CCDC38: variants seen among roughly 807,000 people sequenced by gnomAD.
CCDC38 encodes the protein coiled-coil domain-containing protein 38.
In CCDC38, 69 loss-of-function variants were observed where a neutral mutation model predicts 72.8. The ratio of observed to expected loss-of-function variants is 0.95; its 90% CI spans 0.78 to 1.16. CCDC38 has a LOEUF of 1.16. Among genes scored for constraint, CCDC38 ranks in the 50% most tolerant of loss-of-function variants. The pLI is 0.00. For missense variants in CCDC38, 626 were observed against 638.9 expected, an observed-to-expected ratio of 0.98 and a Z score of 0.22; for synonymous variants, 201 against 213.2, an observed-to-expected ratio of 0.94 and a Z score of 0.50.
intron 4 of CCDC38, among the ~76,000 whole-genome samples, chr12:95,915,154 T>C (rs2080131802): frequency 6.6e-6 from 1 of 152,238 alleles, no homozygotes; most frequent in African/African-American, 2.4e-5. Context: ...GATAGAATTT[T>C]ATTCTTCAAC....
intron 5 of CCDC38, among the ~76,000 whole-genome samples, chr12:95,904,503 AAG>A (rs772178403): frequency 9.9e-5 from 15 of 152,256 alleles, no homozygotes; most frequent in Non-Finnish European, 1.5e-4. Context: ...CATCCAAAGG[AAG>A]AGACCCATAA....
chr12:95,927,667 C>T (rs10161044), intron 2 of CCDC38, among the ~76,000 whole-genome samples: 89,792 of 151,988 alleles, frequency 0.59, 28,171 homozygotes, highest in East Asian at 0.92. Flanking sequence ...GATTTTGCAG[C>T]GGCTGGTATT....
chr12:95,906,607 A>C (rs1299304802), intron 4 of CCDC38, among the ~76,000 whole-genome samples, 156 bp from the exon 5 acceptor site: 6 of 152,158 alleles, frequency 3.9e-5, no homozygotes, highest in Admixed American at 2.6e-4. Context: ...CACTCAAACT[A>C]ATTTAGTAAT....
intron 12 of CCDC38, among the ~76,000 whole-genome samples, chr12:95,878,822 G>A (rs76613750): frequency 0.045 from 6,785 of 152,232 alleles, 215 homozygotes; most frequent in Non-Finnish European, 0.065. Flanking sequence ...GAGGTGGGTG[G>A]AGGGCCATTA....
chr12:95,907,639 C>T lies in CCDC38; in HGVS notation c.305-1188G>A, dbSNP rs184652013. On this transcript the variant is annotated intron_variant, in intron 4 of 15. Coordinates refer to ENST00000344280, the MANE Select transcript of CCDC38 (RefSeq NM_182496.3). ...GCCGGGCGGAGACGCTCCTCACTTC[C>T]CAGACGGGGTGGCTGCCGGGCAGAG... is the stretch of plus-strand genomic sequence containing the variant. Among the ~76,000 whole-genome samples the T allele has an allele frequency of 2.0e-3, 212 of 104,328 alleles. 1 individual carries two copies. Among genetic ancestry groups the T allele is most frequent in the Non-Finnish European group, 2.9e-3 (132 of 45,828 alleles). The allele number at this position is 104,328 out of a possible 152,430, so 68.4% of individuals were successfully genotyped here.
chr12:95,890,974 G>T, intron 8 of CCDC38, 44 bp from the exon 9 acceptor site: 1 of 1,125,916 alleles, frequency 8.9e-7, no homozygotes, highest in South Asian at 1.3e-5. Context: ...GAAAGATGGG[G>T]GGAAAAAAAC....
intron 15 of CCDC38, among the ~76,000 whole-genome samples, chr12:95,867,471 C>T (rs1000181774): frequency 2.0e-5 from 3 of 152,118 alleles, no homozygotes; most frequent in Admixed American, 2.0e-4. Flanking sequence ...GTATATGGTT[C>T]AAATGTGGTC....
At chr12:95,943,224 A>G, upstream of CCDC38, 1 of 637,694 alleles carries the variant, frequency 1.6e-6, no homozygotes, top group East Asian at 3.5e-5. Context: ...TGCAATGATT[A>G]CCGCCCCCGT....
intron 10 of CCDC38, among the ~76,000 whole-genome samples, chr12:95,886,305 C>T (rs1228657233): frequency 6.6e-6 from 1 of 152,084 alleles, no homozygotes; most frequent in East Asian, 1.9e-4. Flanking sequence ...ACCCCTTATA[C>T]AAAAATTAAC....
At chr12:95,918,720 C>T (rs115743497) in intron 3 of CCDC38, among the ~76,000 whole-genome samples, 156 bp downstream of exon 3, 3 of 152,250 alleles carry the variant, frequency 2.0e-5, no homozygotes, top group African/African-American at 4.8e-5. Flanking sequence ...GTTTTTCTGT[C>T]GTTTGTGTTC....
intron 4 of CCDC38, among the ~76,000 whole-genome samples, chr12:95,913,967 T>C (rs1212759393): frequency 6.6e-6 from 1 of 152,158 alleles, no homozygotes. Flanking sequence ...GTTTTGTTGA[T>C]GATTAAATAA....
chr12:95,887,206 C>CA (rs142171367), intron 10 of CCDC38, among the ~76,000 whole-genome samples: 38,823 of 150,868 alleles, frequency 0.26, 5,142 homozygotes, highest in Non-Finnish European at 0.27. Flanking sequence ...AAACAAACAA[C>CA]AAAAAAAAAC....
At chr12:95,897,833 C>T (rs1462509089) in intron 7 of CCDC38, among the ~76,000 whole-genome samples, 2 of 152,056 alleles carry the variant, frequency 1.3e-5, no homozygotes, top group Admixed American at 6.6e-5. Flanking sequence ...TGGGCTCAAG[C>T]GATCCTCCCG....
chr12:95,937,178 A>G (rs1185359153), intron 1 of CCDC38, among the ~76,000 whole-genome samples: 1 of 152,258 alleles, frequency 6.6e-6, no homozygotes, highest in Non-Finnish European at 1.5e-5. Flanking sequence ...TCTATAATGA[A>G]CAAAATATCA....
At chr12:95,917,866 CA>C (rs34424423) in intron 3 of CCDC38, among the ~76,000 whole-genome samples, 20,152 of 98,920 alleles carry the variant, frequency 0.2, 2,031 homozygotes, top group East Asian at 0.47. Context: ...GCAAGACTGT[CA>C]AAAAAAAAAA....
At chr12:95,904,284 A>T (rs183932391) in intron 5 of CCDC38, among the ~76,000 whole-genome samples, 239 of 152,358 alleles carry the variant, frequency 1.6e-3, no homozygotes, top group African/African-American at 5.4e-3. Context: ...GTTTTTGAAA[A>T]CTATTACAAG....
At chr12:95,882,789 T>C (rs2079715673) in intron 10 of CCDC38, among the ~76,000 whole-genome samples, 1 of 152,198 alleles carries the variant, frequency 6.6e-6, no homozygotes. Flanking sequence ...GCTAATACAC[T>C]AATGACTCTC....
Position 95,868,844 on chromosome 12 carries a change from C to G in CCDC38, c.1578+636G>C, listed in dbSNP as rs541897454. 9.9e-5 allele frequency among the ~76,000 whole-genome samples: 15 copies of G among 152,278 alleles called. No homozygotes were observed. In the East Asian group the frequency reaches 2.9e-3, roughly 29 times the overall value. On this transcript the variant is annotated intron_variant, in intron 15 of 15. Coordinates refer to ENST00000344280, the MANE Select transcript of CCDC38 (RefSeq NM_182496.3). Reference sequence around the variant, plus strand: ...CTTGCAAAATAAAGAACTTTGGCTTCTGGTCCTGATTGTGCTGCTAAGTCA... The same window carrying G: ...CTTGCAAAATAAAGAACTTTGGCTTGTGGTCCTGATTGTGCTGCTAAGTCA...
intron 10 of CCDC38, 128 bp downstream of exon 10, chr12:95,888,330 A>G (rs2079782972): frequency 6.3e-6 from 5 of 790,076 alleles, no homozygotes; most frequent in Admixed American, 4.1e-5. Context: ...CAGAAATGGC[A>G]CCACTACTTC....
Sources: gnomAD v4.1 joint callset for allele counts (sites outside exome capture counted in the v4.1 genomes callset) on GRCh38, gnomAD v4.1.1 for gene constraint, MANE v1.5 for transcripts, NCBI Gene and HGNC (gene_info 2026-07-23, HGNC 2026-07-21) for gene names.